Variants in THSD7A observed in about 807,000 individuals in gnomAD.
THSD7A encodes thrombospondin type-1 domain-containing protein 7A.
In THSD7A, 96 loss-of-function variants were observed where a neutral mutation model predicts 231.3. The ratio of observed to expected loss-of-function variants is 0.41; its 90% confidence interval spans 0.35 to 0.49. The LOEUF is 0.49. THSD7A is among the 20% of genes least tolerant of loss of function. The pLI is 0.05. For missense variants in THSD7A, 2,290 were observed against 2,070.2 expected, an observed-to-expected ratio of 1.11 and a Z score of -2.06; for synonymous variants, 940 against 743.3, an observed-to-expected ratio of 1.26 and a Z score of -4.30.
chr7:11,756,969 T>G (rs1444973490), intron 1 of THSD7A, among the ~76,000 whole-genome samples: 1 of 152,040 alleles, frequency 6.6e-6, no homozygotes, highest in Non-Finnish European at 1.5e-5. Flanking sequence ...AGTTTAGATT[T>G]TATTCATCTC....
intron 1 of THSD7A, among the ~76,000 whole-genome samples, chr7:11,664,885 T>C (rs757715294): frequency 6.6e-6 from 1 of 151,946 alleles, no homozygotes; most frequent in African/African-American, 2.4e-5. Flanking sequence ...CTTTCAAAGG[T>C]TGAATGGAAT....
chr7:11,685,962 C>G (rs576960902), intron 1 of THSD7A, among the ~76,000 whole-genome samples: 1 of 151,966 alleles, frequency 6.6e-6, no homozygotes, highest in South Asian at 2.1e-4. Flanking sequence ...TACATGGAAC[C>G]AAACTTGGTG....
At chr7:11,471,642 T>C (rs554248366) in intron 8 of THSD7A, among the ~76,000 whole-genome samples, 1 of 152,158 alleles carries the variant, frequency 6.6e-6, no homozygotes, top group African/African-American at 2.4e-5. Flanking sequence ...AAAATAATCT[T>C]TTTGATTTAT....
intron 1 of THSD7A, among the ~76,000 whole-genome samples, chr7:11,691,807 G>A (rs1584220356): frequency 6.6e-6 from 1 of 151,396 alleles, no homozygotes; most frequent in East Asian, 2.0e-4. Context: ...GTATAAAAAT[G>A]ATATTGAAAT....
chr7:11,669,245 T>A (rs1159458041), intron 1 of THSD7A, among the ~76,000 whole-genome samples: 1 of 152,150 alleles, frequency 6.6e-6, no homozygotes, highest in East Asian at 1.9e-4. Context: ...AAGATCTTTA[T>A]CTCTAGCCAC....
intron 1 of THSD7A, among the ~76,000 whole-genome samples, chr7:11,753,845 A>G (rs1442394165): frequency 6.6e-6 from 1 of 151,970 alleles, no homozygotes; most frequent in Admixed American, 6.6e-5. Context: ...AAGAAAAAGA[A>G]TTATCGTCAG....
chr7:11,707,548 A>T (rs1204454804), intron 1 of THSD7A, among the ~76,000 whole-genome samples: 1 of 150,988 alleles, frequency 6.6e-6, no homozygotes, highest in East Asian at 2.0e-4. Flanking sequence ...ACATTCTATC[A>T]TTATAATCTC....
At chr7:11,447,176 A>G (rs780217261) in intron 12 of THSD7A, 54 bp downstream of exon 12, 2 of 1,540,626 alleles carry the variant, frequency 1.3e-6, no homozygotes, top group African/African-American at 1.4e-5. Flanking sequence ...TCTGACTTGT[A>G]TTATGTTCCT....
At chr7:11,460,456 C>T (rs1336168233) in intron 11 of THSD7A, among the ~76,000 whole-genome samples, 2 of 152,050 alleles carry the variant, frequency 1.3e-5, no homozygotes, top group African/African-American at 2.4e-5. Flanking sequence ...GAGAAAAATT[C>T]AAGAATTATG....
At chr7:11,384,536 G>A (rs1277323047) in intron 23 of THSD7A, 1 of 151,842 alleles carries the variant, frequency 6.6e-6, no homozygotes, top group African/African-American at 2.4e-5. Flanking sequence ...AGTTTTGTAT[G>A]TGATGTAAGC....
intron 6 of THSD7A, among the ~76,000 whole-genome samples, chr7:11,487,697 C>T (rs1786716432): frequency 6.6e-6 from 1 of 151,946 alleles, no homozygotes; most frequent in Admixed American, 6.6e-5. Flanking sequence ...TGGTGGCAGG[C>T]AAGAGAGCTT....
At chr7:11,390,793 T>A (rs1330746542) in intron 23 of THSD7A, among the ~76,000 whole-genome samples, 1 of 152,236 alleles carries the variant, frequency 6.6e-6, no homozygotes, top group African/African-American at 2.4e-5. Context: ...ACGTCCTTTC[T>A]TATTGATGTT....
chr7:11,656,641 T>A (rs1584158146), intron 1 of THSD7A, among the ~76,000 whole-genome samples: 2 of 151,902 alleles, frequency 1.3e-5, no homozygotes, highest in East Asian at 3.9e-4. Flanking sequence ...TTCATAACAA[T>A]ATCTGGTTAA....
At chr7:11,667,410 C>T (rs1283907478) in intron 1 of THSD7A, among the ~76,000 whole-genome samples, 2 of 152,090 alleles carry the variant, frequency 1.3e-5, no homozygotes, top group African/African-American at 4.8e-5. Flanking sequence ...ACAACACGAG[C>T]GTTTGTACTT....
chr7:11,581,680 A>G lies in THSD7A; in HGVS notation c.1453+8780T>C, dbSNP rs187945959. On this transcript the variant is annotated intron_variant, in intron 4 of 27. Coordinates refer to ENST00000423059, the MANE Select transcript of THSD7A (RefSeq NM_015204.3). Reference sequence around the variant, plus strand: ...GTAAAGATCATCCTTCACTCTAAAAATATTGGAGAAAATTCTGGGCATTTT... The same window carrying G: ...GTAAAGATCATCCTTCACTCTAAAAGTATTGGAGAAAATTCTGGGCATTTT... 2.8e-4 allele frequency among the ~76,000 whole-genome samples: 43 copies of G among 152,142 alleles called. No individual in the cohort carries two copies. The East Asian group carries it at 7.9e-3, about 28-fold the overall frequency.
At chr7:11,746,063 C>A (rs908325200) in intron 1 of THSD7A, among the ~76,000 whole-genome samples, 1 of 151,974 alleles carries the variant, frequency 6.6e-6, no homozygotes, top group Non-Finnish European at 1.5e-5. Flanking sequence ...GATATTGATT[C>A]TTCCTACCCA....
intron 6 of THSD7A, among the ~76,000 whole-genome samples, chr7:11,494,424 A>G (rs1172467612): frequency 6.6e-6 from 1 of 151,926 alleles, no homozygotes; most frequent in Non-Finnish European, 1.5e-5. Context: ...AGAGACTCAA[A>G]CCTCTCCCCA....
chr7:11,378,841 C>T, intron 26 of THSD7A: 13 of 505,370 alleles, frequency 2.6e-5, no homozygotes, highest in South Asian at 1.2e-4. Context: ...TATATTGATC[C>T]AAAATTTTTT....
intron 1 of THSD7A, among the ~76,000 whole-genome samples, chr7:11,655,725 A>T (rs1402326857): frequency 6.6e-6 from 1 of 151,912 alleles, no homozygotes; most frequent in Non-Finnish European, 1.5e-5. Context: ...ATGACCTCAT[A>T]TCCATTTCAA....
Sources: gnomAD v4.1 joint callset for allele counts (sites outside exome capture counted in the v4.1 genomes callset) on GRCh38, gnomAD v4.1.1 for gene constraint, MANE v1.5 for transcripts, NCBI Gene and HGNC (gene_info 2026-07-23, HGNC 2026-07-21) for gene names.